PLA2R1: variants seen among roughly 807,000 people sequenced by gnomAD.
PLA2R1 encodes secretory phospholipase A2 receptor.
In PLA2R1, 158 loss-of-function variants were observed where a neutral mutation model predicts 195.9. The observed-to-expected ratio is 0.81, with a 90% CI of 0.71 to 0.92. The LOEUF (loss-of-function observed/expected upper bound fraction) is 0.92. Ranked by LOEUF, PLA2R1 falls within the 40% of genes least tolerant of loss-of-function variation. The probability of loss-of-function intolerance (pLI) is 0.00; values close to 1 mark genes in which losing one functional copy is unlikely to be tolerated. For missense variants in PLA2R1, 1,626 were observed against 1,764.6 expected, an observed-to-expected ratio of 0.92 and a Z score of 1.41; for synonymous variants, 586 against 598.2, an observed-to-expected ratio of 0.98 and a Z score of 0.30.
intron 4 of PLA2R1, among the ~76,000 whole-genome samples, chr2:160,031,667 G>A (rs1025096437): frequency 1.3e-5 from 2 of 152,190 alleles, no homozygotes; most frequent in East Asian, 3.8e-4. Context: ...TCAAACCCAG[G>A]CAGGTGGCTC....
rs953299282 is a variant in PLA2R1 at position 159,940,014 on chromosome 2, C to T, written c.*1764G>A. 2 of 152,186 alleles carry T rather than the reference C, an allele frequency of 1.3e-5. No homozygotes were observed. The highest frequency in any genetic ancestry group is 2.9e-5 in the Non-Finnish European group (2 of 68,030). 9.4% of individuals were successfully genotyped at this position (152,186 alleles called of 1,614,324 possible). A position where few individuals can be genotyped will look rare whatever the true frequency, so the allele number is the denominator to read the frequency against. On this transcript the variant is annotated 3_prime_UTR_variant, in exon 30 of 30. Transcript: ENST00000283243. ...AAATTATTATAACAGTAGCAAAGAG[C>T]TGCTTTTGGAAGCTGGATTAACTGT...
chr2:160,005,701 C>A lies in PLA2R1; in HGVS notation c.1785G>T (p.Gly595=). The A allele has an allele frequency of 6.2e-7, 1 of 1,613,984 alleles. No individual in the cohort carries two copies. Among genetic ancestry groups the A allele is most frequent in the South Asian group, 1.1e-5 (1 of 91,068 alleles). The change falls in exon 11 of 30, where the codon GGG becomes GGT. Residue 595 remains glycine (G), a synonymous_variant. Transcript: ENST00000283243. The stretch of plus-strand genomic sequence containing the variant: ...TGTACTGCACCGGCTCGGGTTTCTG[C>A]CCTACTGGCTTCCAAGTGTATTCTC... The part of the protein sequence containing the change: ...DTGEYTWKPV[G]QKPEPVQYTH...
At chr2:159,946,116 G>T in intron 27 of PLA2R1, 1 of 780,124 alleles carries the variant, frequency 1.3e-6, no homozygotes, top group African/African-American at 1.9e-5. Flanking sequence ...GTGGGCAATA[G>T]TGTATTGTCT....
intron 20 of PLA2R1, among the ~76,000 whole-genome samples, chr2:159,961,871 T>C (rs1031073129): frequency 6.6e-6 from 1 of 152,200 alleles, no homozygotes; most frequent in Non-Finnish European, 1.5e-5. Context: ...CTAAGAATTA[T>C]TTATCAAATG....
intron 10 of PLA2R1, among the ~76,000 whole-genome samples, chr2:160,007,096 A>T (rs961670555): frequency 6.6e-6 from 1 of 152,244 alleles, no homozygotes; most frequent in African/African-American, 2.4e-5. Context: ...ATTTGAAACA[A>T]GAAAAGTTCT....
chr2:159,979,792 T>C (rs752718245), intron 14 of PLA2R1, 38 bp downstream of exon 14: 2 of 1,247,272 alleles, frequency 1.6e-6, no homozygotes, highest in African/African-American at 3.0e-5. Context: ...CCCACTTGTT[T>C]TGAATCCATC....
chr2:159,958,143 T>C (rs747497953), intron 20 of PLA2R1, among the ~76,000 whole-genome samples: 46 of 152,172 alleles, frequency 3.0e-4, no homozygotes, highest in Non-Finnish European at 4.9e-4. Flanking sequence ...TGGGAGGTGA[T>C]TGGATCATGG....
At chr2:159,924,706 C>T in the PLA2R1 span, among the ~76,000 whole-genome samples, 1 of 116,660 alleles carries the variant, frequency 8.6e-6, no homozygotes, top group African/African-American at 3.2e-5. Context: ...ACCTAGAAAA[C>T]AGTTTTCTTT....
intron 11 of PLA2R1, among the ~76,000 whole-genome samples, chr2:159,997,417 T>C (rs187886472): frequency 3.3e-5 from 5 of 152,240 alleles, no homozygotes; most frequent in South Asian, 4.1e-4. Flanking sequence ...CCAGTAGCAG[T>C]CTCTGGTAAA....
At chr2:160,048,716 G>A (rs1172898821) in intron 1 of PLA2R1, among the ~76,000 whole-genome samples, 2 of 152,044 alleles carry the variant, frequency 1.3e-5, no homozygotes, top group African/African-American at 4.8e-5. Context: ...CTTGAACACT[G>A]ATTAAGTGAT....
intron 6 of PLA2R1, among the ~76,000 whole-genome samples, chr2:160,023,737 C>G (rs970610082): frequency 3.9e-5 from 6 of 152,318 alleles, no homozygotes; most frequent in African/African-American, 1.4e-4. Flanking sequence ...GGACCCCTTT[C>G]TGGTAACACC....
At chr2:160,033,834 A>C (rs902358006) in intron 3 of PLA2R1, among the ~76,000 whole-genome samples, 1 of 152,196 alleles carries the variant, frequency 6.6e-6, no homozygotes, top group African/African-American at 2.4e-5. Context: ...TTTAAAATCA[A>C]ACTCCAAGGT....
rs565315885 is a variant in PLA2R1, at chr2:159,980,848, A to G, written c.2184-934T>C. Among the ~76,000 whole-genome samples, 37 of 152,364 alleles carry G rather than the reference A, an allele frequency of 2.4e-4. No individual in the cohort carries two copies. In the Middle Eastern group the frequency reaches 0.01, roughly 42 times the overall value. Reference sequence around the variant, plus strand: ...TTTCCTTTGTGCAGAGAAGCAAGGAATTCCTTCTCGGATATGTCAGCTACT... The same window carrying G: ...TTTCCTTTGTGCAGAGAAGCAAGGAGTTCCTTCTCGGATATGTCAGCTACT... On this transcript the variant is annotated intron_variant, in intron 13 of 29. Transcript: ENST00000283243.
chr2:160,035,802 A>T (rs1374185891), intron 3 of PLA2R1, among the ~76,000 whole-genome samples: 2 of 152,180 alleles, frequency 1.3e-5, no homozygotes, highest in Admixed American at 6.5e-5. Flanking sequence ...TTTCCCACTT[A>T]GTCTCATCCA....
At chr2:160,013,441 T>G in intron 9 of PLA2R1, 66 bp from the exon 10 acceptor site, 1 of 908,264 alleles carries the variant, frequency 1.1e-6, no homozygotes, top group Non-Finnish European at 1.8e-6. Context: ...GAGATATTTT[T>G]GCATACTCTT....
At chr2:160,043,137 C>T (rs936687552) in intron 2 of PLA2R1, among the ~76,000 whole-genome samples, 1 of 152,092 alleles carries the variant, frequency 6.6e-6, no homozygotes, top group Non-Finnish European at 1.5e-5. Context: ...ATAGAGCTGT[C>T]TCCCCGCCAT....
At chr2:160,044,517 G>C (rs1413606061) in intron 2 of PLA2R1, among the ~76,000 whole-genome samples, 3 of 152,028 alleles carry the variant, frequency 2.0e-5, no homozygotes, top group African/African-American at 7.3e-5. Flanking sequence ...GATTCCCAGA[G>C]TCAGTTAAAT....
intron 16 of PLA2R1, 46 bp from the exon 17 acceptor site, chr2:159,976,271 T>C (rs1689549601): frequency 1.4e-6 from 2 of 1,388,520 alleles, no homozygotes; most frequent in Non-Finnish European, 2.0e-6. Flanking sequence ...TAAATAGGTA[T>C]GCTAGGATTG....
At chr2:160,036,361 T>C (rs1313507358) in intron 3 of PLA2R1, among the ~76,000 whole-genome samples, 1 of 152,216 alleles carries the variant, frequency 6.6e-6, no homozygotes, top group African/African-American at 2.4e-5. Context: ...TCCAAGTTCT[T>C]AGGAGTGAGA....
Sources: allele counts gnomAD v4.1 joint callset (sites outside exome capture counted in the v4.1 genomes callset), GRCh38; gene constraint gnomAD v4.1.1; transcripts MANE v1.5; gene names NCBI Gene and HGNC (gene_info 2026-07-23, HGNC 2026-07-21).